Variants in SETBP1 observed in about 807,000 individuals in gnomAD.
SETBP1 encodes the protein SET binding protein 1.
A neutral mutation model predicts 101.0 loss-of-function variants in SETBP1; 9 were observed. That is an observed-to-expected ratio of 0.09 (90% confidence interval 0.05 to 0.16). The LOEUF (loss-of-function observed/expected upper bound fraction) is 0.16, where lower values mean the gene tolerates loss of function less well. SETBP1 is among the 10% of genes least tolerant of loss of function. The probability of loss-of-function intolerance (pLI) is 1.00; values close to 1 mark genes in which losing one functional copy is unlikely to be tolerated. For synonymous variants in SETBP1, 818 were observed against 788.5 expected (o/e 1.04, Z -0.63); for missense variants, 1,858 against 2,033.8 (o/e 0.91, Z 1.66).
intron 2 of SETBP1, among the ~76,000 whole-genome samples, chr18:44,855,826 T>C (rs2072964324): frequency 6.6e-6 from 1 of 152,158 alleles, no homozygotes; most frequent in South Asian, 2.1e-4. Context: ...AGCTAGATGA[T>C]GAGTGATGGC....
At chr18:45,016,440 G>A (rs972765290) in intron 4 of SETBP1, among the ~76,000 whole-genome samples, 1 of 152,078 alleles carries the variant, frequency 6.6e-6, no homozygotes, top group African/African-American at 2.4e-5. Flanking sequence ...ACCTAGGAAG[G>A]GGGAGCATCC....
chr18:44,918,670 C>T (rs2070505183), intron 3 of SETBP1, among the ~76,000 whole-genome samples: 1 of 152,228 alleles, frequency 6.6e-6, no homozygotes, highest in Non-Finnish European at 1.5e-5. Flanking sequence ...GTTTCCACTT[C>T]TAGCCTTCTC....
chr18:45,049,060 C>G (rs1017859509), intron 5 of SETBP1, among the ~76,000 whole-genome samples: 2 of 151,280 alleles, frequency 1.3e-5, no homozygotes, highest in Non-Finnish European at 2.9e-5. Flanking sequence ...GGAAGGCCTG[C>G]CTCCAAAACA....
At chr18:45,053,427 A>G (rs1289518566) in intron 5 of SETBP1, among the ~76,000 whole-genome samples, 1 of 152,218 alleles carries the variant, frequency 6.6e-6, no homozygotes, top group East Asian at 1.9e-4. Context: ...ACTTTTGTAG[A>G]ATTATGTTTA....
At chr18:44,832,588 A>T (rs182291596) in intron 2 of SETBP1, among the ~76,000 whole-genome samples, 1 of 152,322 alleles carries the variant, frequency 6.6e-6, no homozygotes, top group Non-Finnish European at 1.5e-5. Flanking sequence ...ACTTAGCATC[A>T]GGATATTTGC....
intron 4 of SETBP1, among the ~76,000 whole-genome samples, chr18:44,990,927 G>GAAAAAAAAAAAAAAA (rs996043221): frequency 5.7e-4 from 36 of 63,088 alleles, no homozygotes; most frequent in African/African-American, 7.2e-4. Context: ...CAGAGAGAGA[G>GAAAAAAAAAAAAAAA]AAAAAAAAAA....
intron 4 of SETBP1, among the ~76,000 whole-genome samples, chr18:44,960,586 C>T (rs1250599921): frequency 6.6e-6 from 1 of 152,110 alleles, no homozygotes; most frequent in Non-Finnish European, 1.5e-5. Flanking sequence ...TCAAGTGATC[C>T]TCCCTCCTCC....
At chr18:44,740,792 T>C (rs1391187478) in intron 2 of SETBP1, among the ~76,000 whole-genome samples, 1 of 152,232 alleles carries the variant, frequency 6.6e-6, no homozygotes, top group Non-Finnish European at 1.5e-5. Context: ...TTTGATCCAT[T>C]ATTAGTTTAA....
chr18:44,719,638 C>T (rs1259619888), intron 2 of SETBP1, among the ~76,000 whole-genome samples: 1 of 152,254 alleles, frequency 6.6e-6, no homozygotes, highest in East Asian at 1.9e-4. Flanking sequence ...CCCCACTCCA[C>T]CTCCAGGGAA....
intron 3 of SETBP1, among the ~76,000 whole-genome samples, chr18:44,948,499 T>TGATAGATAGATAAATA (rs2071261189): frequency 6.7e-6 from 1 of 149,738 alleles, no homozygotes; most frequent in African/African-American, 2.5e-5. Context: ...CAAAGATAGA[T>TGATAGATAGATAAATA]GATAGATAGA....
intron 2 of SETBP1, among the ~76,000 whole-genome samples, chr18:44,854,520 T>C (rs2072934108): frequency 6.6e-6 from 1 of 152,180 alleles, no homozygotes; most frequent in Non-Finnish European, 1.5e-5. Flanking sequence ...GCATTGAGGC[T>C]CCCAGCACTG....
intron 3 of SETBP1, chr18:44,869,526 G>C (rs2069222061): frequency 2.0e-6 from 1 of 494,402 alleles, no homozygotes; most frequent in Non-Finnish European, 3.7e-6. Flanking sequence ...AAAATATATA[G>C]AGATCAAGAT....
intron 2 of SETBP1, among the ~76,000 whole-genome samples, chr18:44,798,516 T>C (rs759388095): frequency 1.1e-4 from 17 of 152,196 alleles, no homozygotes; most frequent in African/African-American, 4.1e-4. Flanking sequence ...CCTTGAGGTA[T>C]AGGAAGATAC....
chr18:44,969,718 G>A (rs1338562953), intron 4 of SETBP1, among the ~76,000 whole-genome samples: 1 of 152,176 alleles, frequency 6.6e-6, no homozygotes, highest in East Asian at 1.9e-4. Context: ...TCTGTGCCTA[G>A]AGGAAGTTTT....
intron 2 of SETBP1, among the ~76,000 whole-genome samples, chr18:44,752,668 G>A (rs2070410632): frequency 6.6e-6 from 1 of 151,970 alleles, no homozygotes; most frequent in Non-Finnish European, 1.5e-5. Context: ...ACTGACTGGG[G>A]GCTCAAAAAC....
At chr18:44,812,691 T>C (rs2071888983) in intron 2 of SETBP1, among the ~76,000 whole-genome samples, 1 of 152,140 alleles carries the variant, frequency 6.6e-6, no homozygotes, top group South Asian at 2.1e-4. Flanking sequence ...TGTGCCCCAA[T>C]TGCTCATTGT....
rs2071763941 is a variant in SETBP1, at chr18:44,807,210, CA to C, written c.487-62019del. On this transcript the variant is annotated intron_variant, in intron 2 of 5. Transcript: ENST00000649279. ...CAGGGAACAGTATACATTAAAACCA[CA>C]TTTTATAGATTGTACATATAGTTTA... is the stretch of plus-strand genomic sequence containing the variant. Among the ~76,000 whole-genome samples, 4 of 152,150 alleles carry C rather than the reference CA, an allele frequency of 2.6e-5. No homozygotes were observed. The South Asian group carries it at 8.3e-4, about 31-fold the overall frequency.
intron 4 of SETBP1, among the ~76,000 whole-genome samples, chr18:44,962,128 A>G (rs151153784): frequency 2.0e-5 from 3 of 152,378 alleles, no homozygotes; most frequent in South Asian, 2.1e-4. Context: ...CAACCAGAGA[A>G]TAAATGCAGA....
In SETBP1 at chr18:44,951,425, C is replaced by T. The variant is rs745455653; in HGVS notation, c.2085C>T (p.Pro695=). The part of the protein sequence containing the change: ...SSSVALKAKA[P]PETSPGAAAI... ...GCGTTGCTCTGAAGGCAAAAGCTCC[C>T]CCAGAGACCAGCCCTGGGGCAGCAG... The change falls in exon 4 of 6, where the codon CCC becomes CCT. Residue 695 remains proline (P), a synonymous_variant. Coordinates refer to ENST00000649279, the MANE Select transcript of SETBP1 (RefSeq NM_015559.3). The surrounding 1 kb of genome is among the most constrained non-coding windows in gnomAD (Gnocchi z 7.8). 1.2e-6 allele frequency: 2 copies of T among 1,614,120 alleles called. No individual in the cohort carries two copies. Among genetic ancestry groups the T allele is most frequent in the East Asian group, 2.2e-5 (1 of 44,856 alleles).
Sources: allele counts gnomAD v4.1 joint callset (sites outside exome capture counted in the v4.1 genomes callset), GRCh38; gene constraint gnomAD v4.1.1; non-coding constraint Gnocchi (gnomAD v3.1); transcripts MANE v1.5; gene names NCBI Gene and HGNC (gene_info 2026-07-23, HGNC 2026-07-21).